GMDS: variants seen among roughly 807,000 people sequenced by gnomAD.
The protein encoded by GMDS is GDP-mannose 4,6 dehydratase.
Under a neutral mutation model 49.9 loss-of-function variants are expected in GMDS, and 20 were observed. That is an observed-to-expected ratio of 0.40 (90% confidence interval 0.28 to 0.58). The LOEUF (loss-of-function observed/expected upper bound fraction) is 0.58, where lower values mean the gene tolerates loss of function less well. Ranked by LOEUF, GMDS falls within the 20% of genes least tolerant of loss-of-function variation. The probability of loss-of-function intolerance (pLI) is 0.42; values close to 1 mark genes in which losing one functional copy is unlikely to be tolerated. For missense variants in GMDS, 362 were observed against 481.4 expected, an observed-to-expected ratio of 0.75 and a Z score of 2.32; for synonymous variants, 177 against 178.6, an observed-to-expected ratio of 0.99 and a Z score of 0.07.
intron 8 of GMDS, among the ~76,000 whole-genome samples, chr6:1,733,299 G>A (rs1285636266): frequency 6.6e-6 from 1 of 152,242 alleles, no homozygotes; most frequent in African/African-American, 2.4e-5. Context: ...AAACTGTGAT[G>A]ATGGGCAGAT....
chr6:1,844,711 A>G (rs1295617938), intron 7 of GMDS, among the ~76,000 whole-genome samples: 1 of 152,244 alleles, frequency 6.6e-6, no homozygotes, highest in Non-Finnish European at 1.5e-5. Context: ...GACAAAGAAA[A>G]TGGAAGTTCA....
intron 4 of GMDS, among the ~76,000 whole-genome samples, chr6:2,111,215 A>G (rs1215148697): frequency 1.3e-5 from 2 of 152,172 alleles, no homozygotes; most frequent in East Asian, 1.9e-4. Context: ...CAACCGCACA[A>G]CCACAACAAA....
chr6:2,127,452 G>A (rs955011734), intron 1 of GMDS, among the ~76,000 whole-genome samples: 3 of 151,936 alleles, frequency 2.0e-5, no homozygotes, highest in African/African-American at 4.8e-5. Context: ...GATCCCTGAG[G>A]TGGCAAGAGC....
At chr6:1,625,241 G>A (rs1401864291) in intron 9 of GMDS, 1 of 152,228 alleles carries the variant, frequency 6.6e-6, no homozygotes, top group African/African-American at 2.4e-5. Context: ...CCGCACACAC[G>A]CGTTCATAAA....
rs552580500 is a variant in GMDS, at chr6:2,006,139, TG to T, written c.346-45174del. Reference sequence around the variant, plus strand: ...GTGGCACCAACAGAAACATAAAAATTGGCCAGGCACGGTGGTTCACGCCTGC... The same window carrying T: ...GTGGCACCAACAGAAACATAAAAATTGCCAGGCACGGTGGTTCACGCCTGC... On this transcript the variant is annotated intron_variant, in intron 4 of 10. Coordinates refer to ENST00000380815, the MANE Select transcript of GMDS (RefSeq NM_001500.4). 5.9e-5 allele frequency among the ~76,000 whole-genome samples: 9 copies of T among 152,072 alleles called. No individual in the cohort carries two copies. The South Asian group carries it at 1.9e-3, about 32-fold the overall frequency.
chr6:2,176,583 G>A (rs1778294745), intron 1 of GMDS, among the ~76,000 whole-genome samples: 1 of 152,172 alleles, frequency 6.6e-6, no homozygotes, highest in South Asian at 2.1e-4. Flanking sequence ...CTTAACTTAG[G>A]CAAGGTGTAG....
intron 4 of GMDS, among the ~76,000 whole-genome samples, chr6:1,981,724 G>A (rs891905721): frequency 6.6e-6 from 1 of 152,152 alleles, no homozygotes; most frequent in African/African-American, 2.4e-5. Context: ...ACAAAAAAAA[G>A]AAAAACTTCA....
intron 7 of GMDS, among the ~76,000 whole-genome samples, chr6:1,797,833 G>A (rs1296834486): frequency 2.0e-5 from 3 of 152,188 alleles, no homozygotes; most frequent in Non-Finnish European, 4.4e-5. Context: ...ACAGCTTGGA[G>A]TGTCCTCTAT....
At chr6:2,081,150 T>C (rs992248443) in intron 4 of GMDS, among the ~76,000 whole-genome samples, 4 of 152,314 alleles carry the variant, frequency 2.6e-5, no homozygotes, top group Admixed American at 1.3e-4. Flanking sequence ...CCATGTTCTA[T>C]ATTTTAAACT....
At chr6:2,062,179 G>A (rs1466894250) in intron 4 of GMDS, among the ~76,000 whole-genome samples, 2 of 152,160 alleles carry the variant, frequency 1.3e-5, no homozygotes, top group South Asian at 4.1e-4. Flanking sequence ...GGTCACAGGA[G>A]GGGAAGCTTC....
At chr6:2,140,993 G>T (rs1776256795) in intron 1 of GMDS, among the ~76,000 whole-genome samples, 1 of 152,314 alleles carries the variant, frequency 6.6e-6, no homozygotes, top group African/African-American at 2.4e-5. Flanking sequence ...AACTAAAGTG[G>T]CTTCACAGTG....
rs530241914 is a variant in GMDS, at chr6:1,996,679, T to A, written c.346-35713A>T. On this transcript the variant is annotated intron_variant, in intron 4 of 10. Transcript: ENST00000380815. The stretch of plus-strand genomic sequence containing the variant: ...ACATGCACCTTCCCATCAAGAGGAT[T>A]ATTTCCCTTCTACTTTATGGATTCT... Among the ~76,000 whole-genome samples, 86 of 152,314 alleles carry A rather than the reference T, an allele frequency of 5.6e-4. 1 individual carries two copies. Among genetic ancestry groups the A allele is most frequent in the African/African-American group, 2.0e-3 (83 of 41,568 alleles).
chr6:1,718,570 A>G (rs1766256345), intron 9 of GMDS, among the ~76,000 whole-genome samples: 1 of 150,890 alleles, frequency 6.6e-6, no homozygotes, highest in South Asian at 2.1e-4. Context: ...CATTACACCC[A>G]CCCCACCCCG....
chr6:1,790,752 G>A (rs1306812062), intron 7 of GMDS, among the ~76,000 whole-genome samples: 1 of 152,178 alleles, frequency 6.6e-6, no homozygotes, highest in African/African-American at 2.4e-5. Context: ...GTGAATGCCA[G>A]TTCATTGACA....
chr6:1,929,740 T>C (rs1353221746), intron 7 of GMDS, among the ~76,000 whole-genome samples: 3 of 152,194 alleles, frequency 2.0e-5, no homozygotes, highest in Non-Finnish European at 4.4e-5. Context: ...TTATATACAT[T>C]GAAATGAGGC....
At position 2,227,094 on chromosome 6, in the gene GMDS, A is replaced by C. The variant is rs1350597260; in HGVS notation, c.102+18227T>G. Among the ~76,000 whole-genome samples the C allele has an allele frequency of 3.3e-5, 5 of 152,296 alleles. No homozygotes were observed. In the South Asian group the frequency reaches 1.0e-3, roughly 32 times the overall value. ...GCGGGTGTTGTTTTTTTTCCCCCTGAAACTTTATATCCTCCTATACTTCCA... is the reference window on the plus strand; with the variant it reads ...GCGGGTGTTGTTTTTTTTCCCCCTGCAACTTTATATCCTCCTATACTTCCA... On this transcript the variant is annotated intron_variant, in intron 1 of 10. Coordinates refer to ENST00000380815, the MANE Select transcript of GMDS (RefSeq NM_001500.4).
At chr6:1,699,078 G>T (rs150295545) in intron 9 of GMDS, among the ~76,000 whole-genome samples, 202 of 152,192 alleles carry the variant, frequency 1.3e-3, no homozygotes, top group African/African-American at 4.7e-3. Context: ...AGATCTCTTA[G>T]TGTCCATGTG....
intron 7 of GMDS, among the ~76,000 whole-genome samples, chr6:1,870,181 T>C (rs1318478103): frequency 6.6e-6 from 1 of 152,234 alleles, no homozygotes; most frequent in East Asian, 1.9e-4. Flanking sequence ...CATTTTCCTC[T>C]TTCTGTCCCT....
At chr6:1,719,513 C>T (rs903874897) in intron 9 of GMDS, among the ~76,000 whole-genome samples, 2 of 151,834 alleles carry the variant, frequency 1.3e-5, no homozygotes, top group Admixed American at 6.6e-5. Flanking sequence ...TGAGAGAAAC[C>T]ACAGGCAGTA....
Sources: allele counts gnomAD v4.1 joint callset (sites outside exome capture counted in the v4.1 genomes callset), GRCh38; gene constraint gnomAD v4.1.1; transcripts MANE v1.5; gene names NCBI Gene and HGNC (gene_info 2026-07-23, HGNC 2026-07-21).